Variants in EEF2 observed in about 807,000 individuals in gnomAD.
EEF2 encodes elongation factor 2.
In EEF2, 21 loss-of-function variants were observed where a neutral mutation model predicts 85.3. The ratio of observed to expected loss-of-function variants is 0.25; its 90% CI spans 0.17 to 0.35. The LOEUF (loss-of-function observed/expected upper bound fraction) is 0.35, where lower values mean the gene tolerates loss of function less well. Ranked by LOEUF, EEF2 falls within the 10% of genes least tolerant of loss-of-function variation. The pLI is 1.00. For synonymous variants in EEF2, 723 were observed against 508.8 expected (o/e 1.42, Z -5.67); for missense variants, 825 against 1,225.3 (o/e 0.67, Z 4.88).
chr19:3,977,246 G>A lies in EEF2; in HGVS notation c.2352C>T (p.Val784=). 6.2e-7 allele frequency: 1 copy of A among 1,613,762 alleles called. No individual in the cohort carries two copies. The highest frequency in any genetic ancestry group is 8.5e-7 in the Non-Finnish European group (1 of 1,179,952). ...ACTCGTTGACGGGCAGATAGGCCTTGACCACAAACATGGGGGTGCCGGCCA... is the reference window on the plus strand; with the variant it reads ...ACTCGTTGACGGGCAGATAGGCCTTAACCACAAACATGGGGGTGCCGGCCA... ...SQVAGTPMFV[V]KAYLPVNESF... is the part of the protein sequence containing the mutation. Residue 784 remains valine (V), a synonymous_variant, in exon 14 of 15, where the codon GTC becomes GTT. Transcript: ENST00000309311. This position sits in a 1 kb window ranked among gnomAD's most constrained non-coding sequence, Gnocchi z 5.4.
In EEF2 at chr19:3,984,069, G is replaced by T. The variant is rs888556749; in HGVS notation, c.218+67C>A. 4.5e-6 allele frequency: 7 copies of T among 1,570,326 alleles called. No individual in the cohort carries two copies. In the African/African-American group the frequency reaches 6.7e-5, roughly 15 times the overall value. ...GCCAAGTCTCTCCCCGCGCACCCTG[G>T]CCCAGTGGCCTCCAGCTGCCAGGCC... On this transcript the variant is annotated intron_variant, in intron 2 of 14. Transcript: ENST00000309311.
chr19:3,985,221 C>G (rs759662328), intron 1 of EEF2, 157 bp downstream of exon 1: 3 of 775,842 alleles, frequency 3.9e-6, no homozygotes, highest in Non-Finnish European at 5.5e-6. Flanking sequence ...GGCGCACAGA[C>G]ATGGCGGCGG....
chr19:3,976,446 G>T lies in EEF2; in HGVS notation c.*108C>A. 1 of 1,302,692 alleles carries T rather than the reference G, an allele frequency of 7.7e-7. No homozygotes were observed. Among genetic ancestry groups the T allele is most frequent in the Non-Finnish European group, 1.1e-6 (1 of 950,370 alleles). The allele number at this position is 1,302,692 out of a possible 1,614,324, so 80.7% of individuals were successfully genotyped here. A position where few individuals can be genotyped will look rare whatever the true frequency, so the allele number is the denominator to read the frequency against. On this transcript the variant is annotated 3_prime_UTR_variant, in exon 15 of 15. Coordinates refer to ENST00000309311, the MANE Select transcript of EEF2 (RefSeq NM_001961.4). Reference sequence around the variant, plus strand: ...AGCGGGCCCCAGAAACCTCTCAGGGGAGCGTCGCTGTGTCGGGACAGTCTC... The same window carrying T: ...AGCGGGCCCCAGAAACCTCTCAGGGTAGCGTCGCTGTGTCGGGACAGTCTC...
chr19:3,978,223 A>AAAAGCTTTTCCTAG (rs781370166), intron 11 of EEF2, 51 bp from the exon 12 acceptor site: 26 of 1,404,554 alleles, frequency 1.9e-5, no homozygotes, highest in Non-Finnish European at 2.0e-5. Flanking sequence ...AGGTGACCTT[A>AAAAGCTTTTCCTAG]CACACAGACG....
chr19:3,985,416 C>T lies in EEF2; in HGVS notation c.-36G>A. 6.8e-7 allele frequency: 1 copy of T among 1,480,794 alleles called. No homozygotes were observed. Among genetic ancestry groups the T allele is most frequent in the Non-Finnish European group, 9.0e-7 (1 of 1,109,066 alleles). 91.7% of individuals were successfully genotyped at this position (1,480,794 alleles called of 1,614,324 possible). A position where few individuals can be genotyped will look rare whatever the true frequency, so the allele number is the denominator to read the frequency against. On this transcript the variant is annotated 5_prime_UTR_variant, in exon 1 of 15. Transcript: ENST00000309311. ...GGCGGTGGATTCTCCCAGGTAGAACCGAAAGAAGCGAGTCGCGCCGAGGAT... is the reference window on the plus strand; with the variant it reads ...GGCGGTGGATTCTCCCAGGTAGAACTGAAAGAAGCGAGTCGCGCCGAGGAT...
intron 4 of EEF2, 175 bp from the exon 5 acceptor site, chr19:3,982,599 G>C (rs749449992): frequency 4.7e-6 from 5 of 1,066,604 alleles, no homozygotes; most frequent in Non-Finnish European, 5.6e-6. Context: ...CCACCACCCA[G>C]GGCAGCGTTC....
chr19:3,977,763 G>T lies in EEF2; in HGVS notation c.2067+56C>A, dbSNP rs1242272185. On this transcript the variant is annotated intron_variant, in intron 12 of 14. Transcript: ENST00000309311. This position sits in a 1 kb window ranked among gnomAD's most constrained non-coding sequence, Gnocchi z 5.4. ...TCTGTCTCGGGAGGCAGGACCATGA[G>T]GTCCCTCTAGAGCCTGGAAACGGGT... The T allele has an allele frequency of 2.3e-5, 34 of 1,506,568 alleles. No individual in the cohort carries two copies. Among genetic ancestry groups the T allele is most frequent in the Non-Finnish European group, 1.4e-5 (16 of 1,128,126 alleles). The allele number at this position is 1,506,568 out of a possible 1,614,324, so 93.3% of individuals were successfully genotyped here. A position where few individuals can be genotyped will look rare whatever the true frequency, so the allele number is the denominator to read the frequency against.
chr19:3,981,376 C>A lies in EEF2; in HGVS notation c.974G>T (p.Ser325Ile). The A allele has an allele frequency of 6.2e-7, 1 of 1,614,252 alleles. No individual in the cohort carries two copies. The highest frequency in any genetic ancestry group is 8.5e-7 in the Non-Finnish European group (1 of 1,180,048). ...TTTGCCTTCTTTGTCCTTGTCCTCGCTGTCCAGTTTGATGTCCAGTTTCTC... is the reference window on the plus strand; with the variant it reads ...TTTGCCTTCTTTGTCCTTGTCCTCGATGTCCAGTTTGATGTCCAGTTTCTC... ...LIEKLDIKLDSEDKDKEGKPL... is the reference protein window; with the variant it reads ...LIEKLDIKLDIEDKDKEGKPL... Residue 325 changes from serine (S) to isoleucine (I), a missense_variant, in exon 7 of 15, where the codon AGC becomes ATC. Ser to Ile is a moderately radical substitution (Grantham distance 142). Coordinates refer to ENST00000309311, the MANE Select transcript of EEF2 (RefSeq NM_001961.4).
At chr19:3,976,803 G>T in intron 14 of EEF2, 56 bp from the exon 15 acceptor site, 1 of 1,461,360 alleles carries the variant, frequency 6.8e-7, no homozygotes, top group Non-Finnish European at 9.0e-7. Flanking sequence ...AGGGCAGAAG[G>T]AAAGTCCTGT....
intron 6 of EEF2, among the ~76,000 whole-genome samples, chr19:3,981,673 A>T (rs1297766624): frequency 6.6e-6 from 1 of 152,228 alleles, no homozygotes; most frequent in Non-Finnish European, 1.5e-5. Context: ...GACTCAGACA[A>T]GGACCCAAGT....
Position 3,976,590 on chromosome 19 carries a change from G to A in EEF2, c.2541C>T (p.Gly847=). 6.2e-7 allele frequency: 1 copy of A among 1,610,438 alleles called. No individual in the cohort carries two copies. Among genetic ancestry groups the A allele is most frequent in the Non-Finnish European group, 8.5e-7 (1 of 1,178,568 alleles). ...ETRKRKGLKE[G]IPALDNFLDK... is the part of the protein sequence containing the mutation. ...CCAGGAAGTTGTCCAGGGCAGGGAT[G>A]CCTTCTTTCAGGCCCTTGCGCTTGC... The change falls in exon 15 of 15, where the codon GGC becomes GGT. Residue 847 remains glycine, a synonymous_variant. Coordinates refer to ENST00000309311, the MANE Select transcript of EEF2 (RefSeq NM_001961.4).
intron 10 of EEF2, 99 bp from the exon 11 acceptor site, chr19:3,979,535 G>C (rs1327482784): frequency 2.1e-5 from 23 of 1,115,228 alleles, no homozygotes; most frequent in Non-Finnish European, 2.6e-5. Flanking sequence ...GCCAGAACAA[G>C]ATTTCAGGGA....
At chr19:3,979,475 CTCGGAACAGGCGGG>C in intron 10 of EEF2, 39 bp from the exon 11 acceptor site, 2 of 1,573,702 alleles carry the variant, frequency 1.3e-6, no homozygotes, top group Non-Finnish European at 1.7e-6. Flanking sequence ...GGGTAGGCGG[CTCGGAACAGGCGGG>C]ACCAGGCTCC....
chr19:3,977,492 A>T lies in EEF2; in HGVS notation c.2186T>A (p.Leu729His). The T allele has an allele frequency of 6.3e-7, 1 of 1,589,298 alleles. No individual in the cohort carries two copies. The highest frequency in any genetic ancestry group is 2.2e-5 in the East Asian group (1 of 44,474). The change falls in exon 13 of 15, where the codon CTC (leucine) becomes CAC (histidine). Residue 729 changes from leucine (L) to histidine (H), a missense_variant. Physicochemically the swap from Leu to His is moderately conservative, Grantham distance 99. Coordinates refer to ENST00000309311, the MANE Select transcript of EEF2 (RefSeq NM_001961.4). The surrounding 1 kb of genome is among the most constrained non-coding windows in gnomAD (Gnocchi z 5.4). Reference protein sequence around the residue: ...GQIIPTARRCLYASVLTAQPR... With the variant: ...GQIIPTARRCHYASVLTAQPR... ...CTGGGCGGTCAGCACACTGGCATAG[A>T]GGCAGCGCCGTGCTGTGGGGATGAT... is the stretch of plus-strand genomic sequence containing the variant.
Position 3,984,138 on chromosome 19 carries a change from T to G in EEF2, c.216A>C (p.Ser72=). ...TACAGAGGGCACAGGGAGCTCACGT[T>G]GACTTGATGGTGATGCAACGCTCCT... The part of the protein sequence containing the change: ...DEQERCITIK[S]TAISLFYELS... Residue 72 remains serine, a splice_region_variant and synonymous_variant, in exon 2 of 15, where the codon TCA becomes TCC. Coordinates refer to ENST00000309311, the MANE Select transcript of EEF2 (RefSeq NM_001961.4). 1 of 1,613,618 alleles carries G rather than the reference T, an allele frequency of 6.2e-7. No individual in the cohort carries two copies. Among genetic ancestry groups the G allele is most frequent in the Non-Finnish European group, 8.5e-7 (1 of 1,179,772 alleles).
At chr19:3,976,879 G>T in intron 14 of EEF2, 132 bp from the exon 15 acceptor site, 3 of 1,122,448 alleles carry the variant, frequency 2.7e-6, no homozygotes, top group Non-Finnish European at 3.7e-6. Context: ...CTGGTGCCCA[G>T]CACTTCACGA....
At chr19:3,984,505 CT>C (rs1293093854) in intron 1 of EEF2, among the ~76,000 whole-genome samples, 155 bp from the exon 2 acceptor site, 1 of 152,120 alleles carries the variant, frequency 6.6e-6, no homozygotes, top group Non-Finnish European at 1.5e-5. Flanking sequence ...CCTAACACCC[CT>C]TAAGAGCCAC....
At position 3,983,116 on chromosome 19, in the gene EEF2, C is replaced by T; in HGVS notation, c.394G>A (p.Val132Met). 1 of 1,613,912 alleles carries T rather than the reference C, an allele frequency of 6.2e-7. No homozygotes were observed. Among genetic ancestry groups the T allele is most frequent in the Non-Finnish European group, 8.5e-7 (1 of 1,179,882 alleles). ...AGGGGGACCCACTGCTTACCTGACACGCAGTCCACCACCACCAATGCGCCA... is the reference window on the plus strand; with the variant it reads ...AGGGGGACCCACTGCTTACCTGACATGCAGTCCACCACCACCAATGCGCCA... ...TDGALVVVDC[V>M]SGVCVQTETV... The change falls in exon 3 of 15, where the codon GTG becomes ATG. Residue 132 changes from valine to methionine, a missense_variant. By Grantham distance (21) the Val-to-Met change is conservative. Transcript: ENST00000309311.
At chr19:3,981,198 C>A in intron 7 of EEF2, 141 bp downstream of exon 7, 1 of 1,054,994 alleles carries the variant, frequency 9.5e-7, no homozygotes, top group Non-Finnish European at 1.4e-6. Flanking sequence ...GTGTCTCCAG[C>A]AGCACCCAGA....
Sources: allele counts gnomAD v4.1 joint callset (sites outside exome capture counted in the v4.1 genomes callset), GRCh38; gene constraint gnomAD v4.1.1; non-coding constraint Gnocchi (gnomAD v3.1); transcripts MANE v1.5; gene names NCBI Gene and HGNC (gene_info 2026-07-23, HGNC 2026-07-21).